The following CNTRL variants were observed in gnomAD, a reference collection of about 807,000 sequenced individuals.
CNTRL encodes the protein 110 kDa centrosomal protein.
CNTRL carries 233 observed loss-of-function variants against 303.7 expected under a neutral mutation model. The observed-to-expected ratio is 0.77, with a 90% CI of 0.69 to 0.86. The LOEUF is 0.86. Ranked by LOEUF, CNTRL falls within the 40% of genes least tolerant of loss-of-function variation. CNTRL has a pLI of 0.00. For synonymous variants in CNTRL, 900 were observed against 922.2 expected, an observed-to-expected ratio of 0.98 and a Z score of 0.44; for missense variants, 2,524 against 2,650.6, an observed-to-expected ratio of 0.95 and a Z score of 1.05.
At chr9:121,125,178 T>G (rs2050447241) in intron 13 of CNTRL, among the ~76,000 whole-genome samples, 1 of 151,670 alleles carries the variant, frequency 6.6e-6, no homozygotes, top group African/African-American at 2.4e-5. Flanking sequence ...AACTTTTTTT[T>G]TTTTTTTGAG....
intron 7 of CNTRL, among the ~76,000 whole-genome samples, chr9:121,099,151 G>A (rs1325029012): frequency 6.6e-6 from 1 of 152,182 alleles, no homozygotes; most frequent in Non-Finnish European, 1.5e-5. Flanking sequence ...TAGCCTAACT[G>A]GGAGGCATCT....
chr9:121,134,627 A>G (rs2133838997), intron 14 of CNTRL, among the ~76,000 whole-genome samples: 1 of 152,168 alleles, frequency 6.6e-6, no homozygotes, highest in Non-Finnish European at 1.5e-5. Flanking sequence ...CCATATTCAG[A>G]TTTTCTTGAT....
Position 121,161,975 on chromosome 9 carries a change from A to T in CNTRL, c.5205+4A>T. On this transcript the variant is annotated splice_donor_region_variant and intron_variant, in intron 33 of 43. Coordinates refer to ENST00000373855, the MANE Select transcript of CNTRL (RefSeq NM_007018.6). ...GACTCAGGTGGCAGTGCTAGAGGTA[A>T]TGAACAAAGCCAGTGTACCCTTAAG... is the stretch of plus-strand genomic sequence containing the variant. 6.2e-7 allele frequency: 1 copy of T among 1,613,736 alleles called. No homozygotes were observed. Among genetic ancestry groups the T allele is most frequent in the Non-Finnish European group, 8.5e-7 (1 of 1,179,642 alleles).
rs555857834 is a variant in CNTRL at position 121,161,847 on chromosome 9, A to G, written c.5090-9A>G. 6 of 1,592,692 alleles carry G rather than the reference A, an allele frequency of 3.8e-6. No individual in the cohort carries two copies. The East Asian group carries it at 6.7e-5, about 18-fold the overall frequency. On this transcript the variant is annotated splice_polypyrimidine_tract_variant and intron_variant, in intron 32 of 43. Coordinates refer to ENST00000373855, the MANE Select transcript of CNTRL (RefSeq NM_007018.6). ...ATATCATGGACCATGCTTTGTTTCT[A>G]TCCCTTAGAACTAAAGAATATTCTG...
intron 4 of CNTRL, among the ~76,000 whole-genome samples, chr9:121,094,498 A>G (rs2048806503): frequency 6.6e-6 from 1 of 152,226 alleles, no homozygotes; most frequent in Non-Finnish European, 1.5e-5. Context: ...CAGAACTGTC[A>G]CAATGGCAGT....
chr9:121,126,947 G>A (rs530733732), intron 14 of CNTRL, among the ~76,000 whole-genome samples: 1 of 151,940 alleles, frequency 6.6e-6, no homozygotes, highest in African/African-American at 2.4e-5. Flanking sequence ...TCAGCCTCCC[G>A]AGTAGCTGGG....
intron 16 of CNTRL, among the ~76,000 whole-genome samples, chr9:121,139,818 T>C (rs2051403311): frequency 6.6e-6 from 1 of 152,238 alleles, no homozygotes; most frequent in African/African-American, 2.4e-5. Context: ...CATCTTTCTT[T>C]CACCTGCAAA....
At chr9:121,125,234 C>G (rs2050450810) in intron 13 of CNTRL, among the ~76,000 whole-genome samples, 1 of 150,254 alleles carries the variant, frequency 6.7e-6, no homozygotes, top group Non-Finnish European at 1.5e-5. Context: ...GTGGCGTGAT[C>G]TTGGCTCACT....
chr9:121,109,625 T>A (rs1298876547), intron 8 of CNTRL, among the ~76,000 whole-genome samples: 3 of 152,122 alleles, frequency 2.0e-5, no homozygotes, highest in African/African-American at 4.8e-5. Flanking sequence ...CATACTAGTA[T>A]TTCTTTAGCA....
intron 7 of CNTRL, among the ~76,000 whole-genome samples, chr9:121,100,433 G>A (rs975410797): frequency 6.6e-6 from 1 of 152,072 alleles, no homozygotes; most frequent in African/African-American, 2.4e-5. Context: ...AGGAACAACT[G>A]GTACCAGCCA....
chr9:121,156,822 G>C (rs542047514), intron 27 of CNTRL, among the ~76,000 whole-genome samples: 1 of 152,248 alleles, frequency 6.6e-6, no homozygotes, highest in Non-Finnish European at 1.5e-5. Context: ...AGTATTTAAT[G>C]TTTGTGTTTG....
At chr9:121,171,841 A>T (rs1277364489) in intron 40 of CNTRL, among the ~76,000 whole-genome samples, 1 of 152,238 alleles carries the variant, frequency 6.6e-6, no homozygotes, top group African/African-American at 2.4e-5. Context: ...TTGAAATGCT[A>T]GATTTTATGC....
chr9:121,141,037 G>A (rs1295049809), intron 17 of CNTRL, among the ~76,000 whole-genome samples: 4 of 152,014 alleles, frequency 2.6e-5, no homozygotes, highest in African/African-American at 9.7e-5. Context: ...AAGAGTTATT[G>A]TTTCTTGAAA....
intron 34 of CNTRL, among the ~76,000 whole-genome samples, chr9:121,164,470 A>G (rs898142029): frequency 6.6e-6 from 1 of 152,224 alleles, no homozygotes; most frequent in Non-Finnish European, 1.5e-5. Flanking sequence ...CTCAGCAATA[A>G]GAAGGGAATG....
chr9:121,145,654 G>C (rs966659980), intron 22 of CNTRL, among the ~76,000 whole-genome samples: 1 of 152,164 alleles, frequency 6.6e-6, no homozygotes, highest in African/African-American at 2.4e-5. Flanking sequence ...TAGCACTTTG[G>C]GAGGCTGAGG....
In CNTRL at chr9:121,157,980, T is replaced by C. The variant is rs759285016; in HGVS notation, c.4638-3T>C. On this transcript the variant is annotated splice_polypyrimidine_tract_variant and splice_region_variant and intron_variant, in intron 29 of 43. Coordinates refer to ENST00000373855, the MANE Select transcript of CNTRL (RefSeq NM_007018.6). ...CTGCTCTAGTGTTGCTGGTGCTTTG[T>C]AGGCTTCAGAAACTACAGAAAGACA... 2 of 1,614,122 alleles carry C rather than the reference T, an allele frequency of 1.2e-6. No individual in the cohort carries two copies. Among genetic ancestry groups the C allele is most frequent in the Admixed American group, 3.3e-5 (2 of 60,012 alleles).
chr9:121,136,599 C>A (rs941683983), intron 15 of CNTRL, among the ~76,000 whole-genome samples: 1 of 152,210 alleles, frequency 6.6e-6, no homozygotes, highest in Non-Finnish European at 1.5e-5. Flanking sequence ...GCATGGGCCA[C>A]CGTGCCTGGC....
chr9:121,089,412 G>A (rs1043761197), intron 3 of CNTRL, among the ~76,000 whole-genome samples: 2 of 152,148 alleles, frequency 1.3e-5, no homozygotes, highest in African/African-American at 2.4e-5. Context: ...CGTAAGGCAG[G>A]AACCAAGAGG....
In CNTRL at chr9:121,148,754, G is replaced by T; in HGVS notation, c.3542G>T (p.Arg1181Leu). ...GCCTCAACTCCTGTTAGAAAACCACGCCCTGGGCAGCAGGATGGGAAGGAA... is the reference window on the plus strand; with the variant it reads ...GCCTCAACTCCTGTTAGAAAACCACTCCCTGGGCAGCAGGATGGGAAGGAA... ...YSASTPVRKP[R>L]PGQQDGKEGS... Residue 1181 changes from arginine to leucine, a missense_variant, in exon 24 of 44, where the codon CGC becomes CTC. Transcript: ENST00000373855. 1 of 1,614,080 alleles carries T rather than the reference G, an allele frequency of 6.2e-7. No individual in the cohort carries two copies. Among genetic ancestry groups the T allele is most frequent in the Non-Finnish European group, 8.5e-7 (1 of 1,180,010 alleles).
Sources: gnomAD v4.1 joint callset for allele counts (sites outside exome capture counted in the v4.1 genomes callset) on GRCh38, gnomAD v4.1.1 for gene constraint, MANE v1.5 for transcripts, NCBI Gene and HGNC (gene_info 2026-07-23, HGNC 2026-07-21) for gene names.